Variants in NPR3 observed in about 807,000 individuals in gnomAD.
The protein encoded by NPR3 is natriuretic peptide receptor 3.
Under a neutral mutation model 54.5 loss-of-function variants are expected in NPR3, and 34 were observed. The observed-to-expected ratio is 0.62, with a 90% CI of 0.47 to 0.83. The LOEUF (loss-of-function observed/expected upper bound fraction) is 0.83. Ranked by LOEUF, NPR3 falls within the 40% of genes least tolerant of loss-of-function variation. The pLI is 0.00. For missense variants in NPR3, 674 were observed against 720.8 expected, an observed-to-expected ratio of 0.94 and a Z score of 0.74; for synonymous variants, 289 against 297.1, an observed-to-expected ratio of 0.97 and a Z score of 0.28.
intron 5 of NPR3, among the ~76,000 whole-genome samples, chr5:32,781,590 A>AT (rs1742341138): frequency 6.6e-6 from 1 of 152,098 alleles, no homozygotes; most frequent in South Asian, 2.1e-4. Flanking sequence ...TTAATTATTT[A>AT]TTTTTAATGA....
At chr5:32,695,148 A>G (rs745518351) in intron 1 of NPR3, among the ~76,000 whole-genome samples, 1 of 152,238 alleles carries the variant, frequency 6.6e-6, no homozygotes, top group Non-Finnish European at 1.5e-5. Context: ...CGCTATTGTG[A>G]ATAGTGCTGC....
chr5:32,749,735 C>T (rs567475450), intron 3 of NPR3, among the ~76,000 whole-genome samples: 2 of 152,260 alleles, frequency 1.3e-5, no homozygotes, highest in Admixed American at 1.3e-4. Context: ...ACCCAATTTT[C>T]AGTTTTATGC....
At chr5:32,757,226 C>T (rs185208780) in intron 3 of NPR3, among the ~76,000 whole-genome samples, 2 of 152,182 alleles carry the variant, frequency 1.3e-5, no homozygotes, top group Admixed American at 1.3e-4. Flanking sequence ...TTGATTCTTC[C>T]TATCCATGAG....
At chr5:32,726,950 A>T (rs1423276143) in intron 2 of NPR3, among the ~76,000 whole-genome samples, 1 of 152,146 alleles carries the variant, frequency 6.6e-6, no homozygotes, top group Non-Finnish European at 1.5e-5. Context: ...GTCATCTTTT[A>T]TAAGTCTTAT....
chr5:32,741,013 T>G (rs1469380703), intron 3 of NPR3, among the ~76,000 whole-genome samples: 1 of 137,314 alleles, frequency 7.3e-6, no homozygotes, highest in African/African-American at 2.6e-5. Flanking sequence ...AACATCAAAC[T>G]CTTTTACATA....
intron 3 of NPR3, among the ~76,000 whole-genome samples, chr5:32,755,033 T>C (rs997036785): frequency 3.9e-5 from 6 of 152,186 alleles, no homozygotes; most frequent in African/African-American, 1.2e-4. Context: ...GCTAATTTTT[T>C]GTATTTTTAG....
At chr5:32,782,260 C>T (rs770779163) in intron 5 of NPR3, among the ~76,000 whole-genome samples, 43 of 152,182 alleles carry the variant, frequency 2.8e-4, no homozygotes, top group South Asian at 8.3e-4. Context: ...TCCTGAAAGA[C>T]GCTCTTTAAT....
chr5:32,777,196 T>C (rs1742098596), intron 4 of NPR3, among the ~76,000 whole-genome samples: 1 of 152,182 alleles, frequency 6.6e-6, no homozygotes, highest in East Asian at 1.9e-4. Flanking sequence ...CTGAGGCTTT[T>C]GAGTGACATG....
intron 3 of NPR3, among the ~76,000 whole-genome samples, chr5:32,765,242 G>A (rs1221150448): frequency 1.3e-5 from 2 of 152,148 alleles, no homozygotes; most frequent in Non-Finnish European, 2.9e-5. Context: ...AGGTATTCAA[G>A]ACATGGTCAA....
At chr5:32,701,154 T>A (rs1190784731) in intron 1 of NPR3, among the ~76,000 whole-genome samples, 1 of 152,360 alleles carries the variant, frequency 6.6e-6, no homozygotes, top group East Asian at 1.9e-4. Context: ...CCACTGATGA[T>A]GAGCATTTTT....
chr5:32,701,728 A>C (rs1347102086), intron 1 of NPR3, among the ~76,000 whole-genome samples: 2 of 152,232 alleles, frequency 1.3e-5, no homozygotes, highest in Non-Finnish European at 2.9e-5. Flanking sequence ...CTGTATCTGC[A>C]TTAGGCGGCA....
chr5:32,728,831 G>GTATATATATATA (rs1378102562), intron 2 of NPR3, among the ~76,000 whole-genome samples: 13 of 63,944 alleles, frequency 2.0e-4, no homozygotes, highest in Non-Finnish European at 3.6e-4. Context: ...GTGTGTGTGT[G>GTATATATATATA]TGTGTGTATA....
Position 32,720,225 on chromosome 5 carries a change from G to A in NPR3, c.770-4473G>A, listed in dbSNP as rs899725274. 2.4e-4 allele frequency among the ~76,000 whole-genome samples: 37 copies of A among 152,312 alleles called. 1 individual carries two copies. Among genetic ancestry groups the A allele is most frequent in the African/African-American group, 8.7e-4 (36 of 41,568 alleles). On this transcript the variant is annotated intron_variant, in intron 1 of 7. Transcript: ENST00000265074. ...CCCAAAGAAGAGGGAAGAAAAGACT[G>A]AGCCAGCATACTCAGTTTTAGGCTC...
intron 1 of NPR3, among the ~76,000 whole-genome samples, chr5:32,697,827 G>T (rs1740569292): frequency 6.6e-6 from 1 of 151,942 alleles, no homozygotes. Context: ...CTGTGGTATT[G>T]ATTGTAATGT....
chr5:32,717,544 A>G (rs538600393), intron 1 of NPR3, among the ~76,000 whole-genome samples: 1 of 152,290 alleles, frequency 6.6e-6, no homozygotes, highest in South Asian at 2.1e-4. Flanking sequence ...AATGATTGCC[A>G]TTCTAACTGG....
chr5:32,784,782 G>T lies in NPR3; in HGVS notation c.1427-14G>T, dbSNP rs1742520865. On this transcript the variant is annotated splice_polypyrimidine_tract_variant and intron_variant, in intron 6 of 7. Transcript: ENST00000265074. ...CTCCAAATGAACCCTGATTATCCATGCTTCTTTTTCAAGCAGGTGGCCTAG... is the reference window on the plus strand; with the variant it reads ...CTCCAAATGAACCCTGATTATCCATTCTTCTTTTTCAAGCAGGTGGCCTAG... The T allele has an allele frequency of 6.2e-7, 1 of 1,604,992 alleles. No individual in the cohort carries two copies. The highest frequency in any genetic ancestry group is 1.3e-5 in the African/African-American group (1 of 74,722).
Position 32,786,643 on chromosome 5 carries a change from A to C in NPR3, c.*298A>C, listed in dbSNP as rs1742649496. 3.5e-6 allele frequency: 1 copy of C among 286,428 alleles called. No individual in the cohort carries two copies. The highest frequency in any genetic ancestry group is 6.3e-6 in the Non-Finnish European group (1 of 158,316). 17.7% of individuals were successfully genotyped at this position (286,428 alleles called of 1,614,324 possible). ...TGTTTTTAAAATCTGTTGTCTCCAT[A>C]TCTTGATGGCTTTTGGGAGCATTTC... On this transcript the variant is annotated 3_prime_UTR_variant, in exon 8 of 8. Coordinates refer to ENST00000265074, the MANE Select transcript of NPR3 (RefSeq NM_001204375.2).
intron 2 of NPR3, among the ~76,000 whole-genome samples, chr5:32,734,690 G>C (rs1739636559): frequency 6.6e-6 from 1 of 152,216 alleles, no homozygotes; most frequent in Non-Finnish European, 1.5e-5. Flanking sequence ...CTGCAATGAT[G>C]GCTATGTTCT....
At chr5:32,743,481 A>G (rs1740138275) in intron 3 of NPR3, among the ~76,000 whole-genome samples, 1 of 152,182 alleles carries the variant, frequency 6.6e-6, no homozygotes, top group Admixed American at 6.5e-5. Flanking sequence ...ATTCTTACAC[A>G]TATTGTGATA....
Sources: gnomAD v4.1 joint callset for allele counts (sites outside exome capture counted in the v4.1 genomes callset) on GRCh38, gnomAD v4.1.1 for gene constraint, MANE v1.5 for transcripts, NCBI Gene and HGNC (gene_info 2026-07-23, HGNC 2026-07-21) for gene names.